The following ACTBL2 variants were observed in gnomAD, a reference collection of about 807,000 sequenced individuals.
ACTBL2 encodes the protein actin beta like 2, also known as beta-actin-like protein 2.
ACTBL2 carries 29 observed loss-of-function variants against 23.2 expected under a neutral mutation model. The ratio of observed to expected loss-of-function variants is 1.25; its 90% CI spans 0.93 to 1.71. The LOEUF is 1.71. ACTBL2 is among the 40% of genes most tolerant of loss of function. The pLI is 0.00. For synonymous variants in ACTBL2, 173 were observed against 182.1 expected, an observed-to-expected ratio of 0.95 and a Z score of 0.40; for missense variants, 524 against 486.2, an observed-to-expected ratio of 1.08 and a Z score of -0.73.
Position 57,482,283 on chromosome 5 carries a change from G to C in ACTBL2, c.425C>G (p.Ser142Cys), listed in dbSNP as rs910196893. 9.9e-6 allele frequency: 16 copies of C among 1,614,090 alleles called. No individual in the cohort carries two copies. Among genetic ancestry groups the C allele is most frequent in the Non-Finnish European group, 1.3e-5 (15 of 1,180,020 alleles). The change falls in exon 1 of 1, where the codon TCC (serine) becomes TGC (cysteine). Residue 142 changes from serine to cysteine, a missense_variant. Ser to Cys is a moderately radical substitution (Grantham distance 112). Coordinates refer to ENST00000423391, the MANE Select transcript of ACTBL2 (RefSeq NM_001017992.4). ...TGTGGTCCGTCCTGAGGCATAGAGG[G>C]ACAGCACAGCCTGGATGGCGACATA... ...AMYVAIQAVL[S>C]LYASGRTTGI...
chr5:57,481,326 G>T lies in ACTBL2; in HGVS notation c.*251C>A. ...TTGTCACTTATATGTATTTAAGCTG[G>T]CCTACCTATCTTTGAACAGTATAGG... is the stretch of plus-strand genomic sequence containing the variant. On this transcript the variant is annotated 3_prime_UTR_variant, in exon 1 of 1. Transcript: ENST00000423391. The T allele has an allele frequency of 2.4e-6, 1 of 414,498 alleles. No homozygotes were observed. The highest frequency in any genetic ancestry group is 4.3e-6 in the Non-Finnish European group (1 of 232,042). 25.7% of individuals were successfully genotyped at this position (414,498 alleles called of 1,614,324 possible). A position where few individuals can be genotyped will look rare whatever the true frequency, so the allele number is the denominator to read the frequency against.
In ACTBL2 at chr5:57,482,691, A is replaced by G; in HGVS notation, c.17T>C (p.Leu6Pro). The G allele has an allele frequency of 6.2e-7, 1 of 1,613,942 alleles. No individual in the cohort carries two copies. Among genetic ancestry groups the G allele is most frequent in the Non-Finnish European group, 8.5e-7 (1 of 1,179,884 alleles). The change falls in exon 1 of 1, where the codon CTG (leucine) becomes CCG (proline). Residue 6 changes from leucine to proline, a missense_variant. By Grantham distance (98) the Leu-to-Pro change is moderately conservative (BLOSUM62 -3). Coordinates refer to ENST00000423391, the MANE Select transcript of ACTBL2 (RefSeq NM_001017992.4). ...CCCATTATCCACTACCAAGGCAGAC[A>G]GCTCATTGTCAGTCATGGTGCTGGC... MTDNE[L>P]SALVVDNGSG...
Position 57,480,233 on chromosome 5 carries a change from GA to G in ACTBL2, c.*1343del, listed in dbSNP as rs1745126221. On this transcript the variant is annotated 3_prime_UTR_variant, in exon 1 of 1. Coordinates refer to ENST00000423391, the MANE Select transcript of ACTBL2 (RefSeq NM_001017992.4). ...ACATAAGTACAAGTTTCCCAACTAAGAAAAAAAGAGAAGTGATTCCTTCCTC... is the reference window on the plus strand; with the variant it reads ...ACATAAGTACAAGTTTCCCAACTAAGAAAAAAGAGAAGTGATTCCTTCCTC... The G allele has an allele frequency of 6.6e-6, 1 of 151,828 alleles. No individual in the cohort carries two copies. The highest frequency in any genetic ancestry group is 1.5e-5 in the Non-Finnish European group (1 of 67,854). The allele number at this position is 151,828 out of a possible 1,614,324, so 9.4% of individuals were successfully genotyped here.
In ACTBL2 at chr5:57,482,665, AC is replaced by A. The variant is rs775186015; in HGVS notation, c.42del (p.Ser15GlnfsTer21). On this transcript the variant is annotated frameshift_variant, in exon 1 of 1. Transcript: ENST00000423391. LOFTEE classifies it high-confidence loss of function. ...NELSALVVDN[G>X]SGMCKAGFGG... ...CCAAAGCCTGCCTTGCACATCCCTGACCCATTATCCACTACCAAGGCAGACA... is the reference window on the plus strand; with the variant it reads ...CCAAAGCCTGCCTTGCACATCCCTGACCATTATCCACTACCAAGGCAGACA... 21 of 1,613,868 alleles carry A rather than the reference AC, an allele frequency of 1.3e-5. No homozygotes were observed. The highest frequency in any genetic ancestry group is 1.7e-5 in the Non-Finnish European group (20 of 1,179,994).
chr5:57,480,350 C>G lies in ACTBL2; in HGVS notation c.*1227G>C, dbSNP rs1430265647. Reference sequence around the variant, plus strand: ...TGAAAAATACAAATAATGCTGATATCCAAATATTCAGAAATCACTGCATAG... The same window carrying G: ...TGAAAAATACAAATAATGCTGATATGCAAATATTCAGAAATCACTGCATAG... On this transcript the variant is annotated 3_prime_UTR_variant, in exon 1 of 1. Coordinates refer to ENST00000423391, the MANE Select transcript of ACTBL2 (RefSeq NM_001017992.4). The G allele has an allele frequency of 1.3e-5, 2 of 151,940 alleles. No individual in the cohort carries two copies. The highest frequency in any genetic ancestry group is 4.8e-5 in the African/African-American group (2 of 41,410). The allele number at this position is 151,940 out of a possible 1,614,324, so 9.4% of individuals were successfully genotyped here. A position where few individuals can be genotyped will look rare whatever the true frequency, so the allele number is the denominator to read the frequency against.
In ACTBL2 at chr5:57,482,553, T is replaced by A; in HGVS notation, c.155A>T (p.Asp52Val). Residue 52 changes from aspartate to valine, a missense_variant, in exon 1 of 1, where the codon GAC (aspartate) becomes GTC (valine). Asp to Val is a radical substitution (Grantham distance 152). Transcript: ENST00000423391. Reference sequence around the variant, plus strand: ...CTGAGCCTCATCTCCCACGTAGCAGTCCTTCTGGCCCATGCCTACCATAAC... The same window carrying A: ...CTGAGCCTCATCTCCCACGTAGCAGACCTTCTGGCCCATGCCTACCATAAC... The part of the protein sequence containing the change: ...QGVMVGMGQK[D>V]CYVGDEAQSK... The A allele has an allele frequency of 6.2e-7, 1 of 1,614,080 alleles. No homozygotes were observed. The highest frequency in any genetic ancestry group is 1.3e-5 in the African/African-American group (1 of 75,034).
In ACTBL2 at chr5:57,480,483, A is replaced by G. The variant is rs935170758; in HGVS notation, c.*1094T>C. 1.3e-5 allele frequency: 2 copies of G among 152,178 alleles called. No individual in the cohort carries two copies. The highest frequency in any genetic ancestry group is 4.8e-5 in the African/African-American group (2 of 41,470). The allele number at this position is 152,178 out of a possible 1,614,324, so 9.4% of individuals were successfully genotyped here. A position where few individuals can be genotyped will look rare whatever the true frequency, so the allele number is the denominator to read the frequency against. ...ATACATTGATATTTTCAAAGATGTTAGTATCTCAGAGACACTTTGCATAAA... is the reference window on the plus strand; with the variant it reads ...ATACATTGATATTTTCAAAGATGTTGGTATCTCAGAGACACTTTGCATAAA... On this transcript the variant is annotated 3_prime_UTR_variant, in exon 1 of 1. Coordinates refer to ENST00000423391, the MANE Select transcript of ACTBL2 (RefSeq NM_001017992.4).
In ACTBL2 at chr5:57,481,632, C is replaced by A. The variant is rs1330722624; in HGVS notation, c.1076G>T (p.Ser359Ile). The A allele has an allele frequency of 5.0e-6, 8 of 1,614,062 alleles. No homozygotes were observed. Among genetic ancestry groups the A allele is most frequent in the Non-Finnish European group, 5.9e-6 (7 of 1,180,032 alleles). Residue 359 changes from serine to isoleucine, a missense_variant, in exon 1 of 1, where the codon AGT (serine) becomes ATT (isoleucine). Physicochemically the swap from Ser to Ile is moderately radical, Grantham distance 142 (BLOSUM62 -2). Transcript: ENST00000423391. ...SLSTFQQMWI[S>I]KQEYDEAGPP... Reference sequence around the variant, plus strand: ...ACCAGCCTCATCATATTCCTGCTTACTGATCCACATCTGCTGGAATGTGGA... The same window carrying A: ...ACCAGCCTCATCATATTCCTGCTTAATGATCCACATCTGCTGGAATGTGGA...
rs191631227 is a variant in ACTBL2, at chr5:57,481,849, C to T, written c.859G>A (p.Asp287Asn). 6 of 1,614,090 alleles carry T rather than the reference C, an allele frequency of 3.7e-6. No individual in the cohort carries two copies. The highest frequency in any genetic ancestry group is 2.2e-5 in the East Asian group (1 of 44,868). Residue 287 changes from aspartate (D) to asparagine (N), a missense_variant, in exon 1 of 1, where the codon GAT becomes AAT. By Grantham distance (23) the Asp-to-Asn change is conservative. Coordinates refer to ENST00000423391, the MANE Select transcript of ACTBL2 (RefSeq NM_001017992.4). ...ETTFNSIMKC[D>N]VDIRKDLYAN... The stretch of plus-strand genomic sequence containing the variant: ...TAGAGATCCTTGCGAATATCCACAT[C>T]GCACTTCATGATAGAGTTGAAGGTT...
Position 57,482,021 on chromosome 5 carries a change from G to A in ACTBL2, c.687C>T (p.Val229=), listed in dbSNP as rs757953027. The A allele has an allele frequency of 3.7e-6, 6 of 1,613,924 alleles. No homozygotes were observed. The Admixed American group carries it at 8.3e-5, about 22-fold the overall frequency. ...CCGGTGAGGAGGATGCGGCTGCCCT[G>A]ACCATCTCCTGCTCAAAGTCCAGGG... The part of the protein sequence containing the change: ...YVALDFEQEM[V]RAAASSSPER... The change falls in exon 1 of 1, where the codon GTC becomes GTT. Residue 229 remains valine (V), a synonymous_variant. Transcript: ENST00000423391.
rs531339870 is a variant in ACTBL2 at position 57,481,413 on chromosome 5, A to T, written c.*164T>A. On this transcript the variant is annotated 3_prime_UTR_variant, in exon 1 of 1. Coordinates refer to ENST00000423391, the MANE Select transcript of ACTBL2 (RefSeq NM_001017992.4). ...ACTTGATGGAGAACCGGATGTGGTT[A>T]TCTGGGTAAGAGCCCAGGTTACTTG... The T allele has an allele frequency of 6.5e-4, 507 of 784,440 alleles. No homozygotes were observed. Among genetic ancestry groups the T allele is most frequent in the Middle Eastern group, 2.6e-3 (7 of 2,666 alleles). The allele number at this position is 784,440 out of a possible 1,614,324, so 48.6% of individuals were successfully genotyped here. A position where few individuals can be genotyped will look rare whatever the true frequency, so the allele number is the denominator to read the frequency against.
In ACTBL2 at chr5:57,482,365, T is replaced by C. The variant is rs200674727; in HGVS notation, c.343A>G (p.Ile115Val). 13 of 1,613,848 alleles carry C rather than the reference T, an allele frequency of 8.1e-6. No individual in the cohort carries two copies. The highest frequency in any genetic ancestry group is 1.1e-5 in the Non-Finnish European group (13 of 1,180,006). ...LLTEAPLNPK[I>V]NREKMTQIMF... Reference sequence around the variant, plus strand: ...ATCTGAGTCATCTTTTCCCGGTTGATCTTGGGGTTCAGGGGTGCCTCGGTG... The same window carrying C: ...ATCTGAGTCATCTTTTCCCGGTTGACCTTGGGGTTCAGGGGTGCCTCGGTG... Residue 115 changes from isoleucine (I) to valine (V), a missense_variant, in exon 1 of 1, where the codon ATC (isoleucine) becomes GTC (valine). Transcript: ENST00000423391.
Position 57,481,900 on chromosome 5 carries a change from T to C in ACTBL2, c.808A>G (p.Ile270Val), listed in dbSNP as rs556249317. The C allele has an allele frequency of 1.9e-6, 3 of 1,613,996 alleles. No homozygotes were observed. The African/African-American group carries it at 4.0e-5, about 22-fold the overall frequency. Residue 270 changes from isoleucine (I) to valine (V), a missense_variant, in exon 1 of 1, where the codon ATT (isoleucine) becomes GTT (valine). Transcript: ENST00000423391. Reference sequence around the variant, plus strand: ...GTCTCATGGATCCCACTGGACTCAATGCCCAGAAAGGAAGGCTGGAAAATG... The same window carrying C: ...GTCTCATGGATCCCACTGGACTCAACGCCCAGAAAGGAAGGCTGGAAAATG... ...EAIFQPSFLG[I>V]ESSGIHETTF... is the part of the protein sequence containing the mutation.
In ACTBL2 at chr5:57,482,602, T is replaced by C; in HGVS notation, c.106A>G (p.Ile36Val). The C allele has an allele frequency of 6.2e-7, 1 of 1,614,032 alleles. No individual in the cohort carries two copies. The highest frequency in any genetic ancestry group is 8.5e-7 in the Non-Finnish European group (1 of 1,180,002). The change falls in exon 1 of 1, where the codon ATA becomes GTA. Residue 36 changes from isoleucine to valine, a missense_variant. By Grantham distance (29) the Ile-to-Val change is conservative (BLOSUM62 3). Transcript: ENST00000423391. Reference protein sequence around the residue: ...DAPRAVFPSMIGRPRHQGVMV... With the variant: ...DAPRAVFPSMVGRPRHQGVMV... ...ACGCCCTGGTGTCGAGGACGCCCTATCATGGAGGGGAACACAGCCCGGGGG... is the reference window on the plus strand; with the variant it reads ...ACGCCCTGGTGTCGAGGACGCCCTACCATGGAGGGGAACACAGCCCGGGGG...
Position 57,481,439 on chromosome 5 carries a change from G to A in ACTBL2, c.*138C>T. 1 of 1,078,026 alleles carries A rather than the reference G, an allele frequency of 9.3e-7. No homozygotes were observed. Among genetic ancestry groups the A allele is most frequent in the East Asian group, 2.4e-5 (1 of 40,902 alleles). 66.8% of individuals were successfully genotyped at this position (1,078,026 alleles called of 1,614,324 possible). On this transcript the variant is annotated 3_prime_UTR_variant, in exon 1 of 1. Coordinates refer to ENST00000423391, the MANE Select transcript of ACTBL2 (RefSeq NM_001017992.4). ...TCTGGGTAAGAGCCCAGGTTACTTG[G>A]ATGGAGAGATGGGTTTGCTGGTTTA...
In ACTBL2 at chr5:57,481,915, G is replaced by T. The variant is rs765540230; in HGVS notation, c.793C>A (p.Pro265Thr). ...CTGGACTCAATGCCCAGAAAGGAAG[G>T]CTGGAAAATGGCTTCAGGGCATCGG... The part of the protein sequence containing the change: ...RFRCPEAIFQ[P>T]SFLGIESSGI... Residue 265 changes from proline to threonine, a missense_variant, in exon 1 of 1, where the codon CCT becomes ACT. Coordinates refer to ENST00000423391, the MANE Select transcript of ACTBL2 (RefSeq NM_001017992.4). 19 of 1,614,088 alleles carry T rather than the reference G, an allele frequency of 1.2e-5. No homozygotes were observed. Among genetic ancestry groups the T allele is most frequent in the Non-Finnish European group, 1.6e-5 (19 of 1,180,018 alleles).
In ACTBL2 at chr5:57,481,936, A is replaced by C. The variant is rs752069017; in HGVS notation, c.772T>G (p.Cys258Gly). 10 of 1,614,132 alleles carry C rather than the reference A, an allele frequency of 6.2e-6. 1 individual carries two copies. In the South Asian group the frequency reaches 8.8e-5, roughly 14 times the overall value. ...VITIGNERFR[C>G]PEAIFQPSFL... ...GAAGGCTGGAAAATGGCTTCAGGGC[A>C]TCGGAAGCGTTCATTCCCAATGGTG... Residue 258 changes from cysteine to glycine, a missense_variant, in exon 1 of 1, where the codon TGC becomes GGC. By Grantham distance (159) the Cys-to-Gly change is radical. Transcript: ENST00000423391.
rs1221107636 is a variant in ACTBL2 at position 57,482,280 on chromosome 5, AGG to A, written c.426_427del (p.Tyr144CysfsTer24). The stretch of plus-strand genomic sequence containing the variant: ...GCCTGTGGTCCGTCCTGAGGCATAG[AGG>A]GACAGCACAGCCTGGATGGCGACAT... On this transcript the variant is annotated frameshift_variant, in exon 1 of 1. Transcript: ENST00000423391. LOFTEE classifies it high-confidence loss of function. 1.5e-5 allele frequency: 24 copies of A among 1,613,932 alleles called. No individual in the cohort carries two copies. Among genetic ancestry groups the A allele is most frequent in the Non-Finnish European group, 1.9e-5 (22 of 1,180,020 alleles).
chr5:57,482,173 G>C lies in ACTBL2; in HGVS notation c.535C>G (p.Leu179Val). Residue 179 changes from leucine (L) to valine (V), a missense_variant, in exon 1 of 1, where the codon CTG becomes GTG. Physicochemically the swap from Leu to Val is conservative, Grantham distance 32. Coordinates refer to ENST00000423391, the MANE Select transcript of ACTBL2 (RefSeq NM_001017992.4). Reference sequence around the variant, plus strand: ...GTCAGGTCTCTCCCTGCCAGATCCAGGCGTAGAATGGCATGAGGCAGGGCA... The same window carrying C: ...GTCAGGTCTCTCCCTGCCAGATCCACGCGTAGAATGGCATGAGGCAGGGCA... Reference protein sequence around the residue: ...GYALPHAILRLDLAGRDLTDY... With the variant: ...GYALPHAILRVDLAGRDLTDY... The C allele has an allele frequency of 6.2e-7, 1 of 1,614,104 alleles. No individual in the cohort carries two copies. Among genetic ancestry groups the C allele is most frequent in the Non-Finnish European group, 8.5e-7 (1 of 1,180,020 alleles).
Sources: gnomAD v4.1 joint callset for allele counts on GRCh38, gnomAD v4.1.1 for gene constraint, MANE v1.5 for transcripts, NCBI Gene and HGNC (gene_info 2026-07-23, HGNC 2026-07-21) for gene names.